The following RAD51B variants were observed in gnomAD, a reference collection of about 807,000 sequenced individuals.
RAD51B encodes the protein RAD51 paralog B, also known as DNA repair protein RAD51 homolog 2.
In RAD51B, 38 loss-of-function variants were observed where a neutral mutation model predicts 42.2. That is an observed-to-expected ratio of 0.90 (90% CI 0.70 to 1.18). The LOEUF is 1.18. Among genes scored for constraint, RAD51B ranks in the 50% most tolerant of loss-of-function variants. The pLI is 0.00. For missense variants in RAD51B, 373 were observed against 400.7 expected (o/e 0.93, Z 0.59); for synonymous variants, 154 against 145.2 (o/e 1.06, Z -0.43).
At position 68,401,855 on chromosome 14, in the gene RAD51B, T is replaced by A. The variant is rs142021656; in HGVS notation, c.854-9569T>A. 1.5e-3 allele frequency among the ~76,000 whole-genome samples: 232 copies of A among 152,320 alleles called. 1 individual carries two copies. The highest frequency in any genetic ancestry group is 5.4e-3 in the African/African-American group (224 of 41,560). On this transcript the variant is annotated intron_variant, in intron 8 of 10. Transcript: ENST00000471583. Reference sequence around the variant, plus strand: ...AGAAGATTATAAATAACAAAAGATATATTTTTTCGTATCTAAAATGGTAGC... The same window carrying A: ...AGAAGATTATAAATAACAAAAGATAAATTTTTTCGTATCTAAAATGGTAGC...
intron 8 of RAD51B, among the ~76,000 whole-genome samples, chr14:68,330,306 G>C (rs936316537): frequency 6.6e-6 from 1 of 152,098 alleles, no homozygotes; most frequent in Non-Finnish European, 1.5e-5. Flanking sequence ...GAAAATAAAT[G>C]GTGTTTAAGT....
At chr14:68,640,999 C>T (rs1408289906) in intron 10 of RAD51B, among the ~76,000 whole-genome samples, 6 of 152,212 alleles carry the variant, frequency 3.9e-5, no homozygotes, top group South Asian at 4.1e-4. Flanking sequence ...TGGTCTTTAC[C>T]CTGTGGGCAA....
At chr14:68,417,688 A>G (rs1594806695) in intron 9 of RAD51B, among the ~76,000 whole-genome samples, 1 of 152,234 alleles carries the variant, frequency 6.6e-6, no homozygotes, top group African/African-American at 2.4e-5. Context: ...GGACTGAGAA[A>G]GGGCAACACA....
At chr14:68,049,698 T>C (rs2076361936) in intron 7 of RAD51B, among the ~76,000 whole-genome samples, 1 of 152,224 alleles carries the variant, frequency 6.6e-6, no homozygotes, top group Non-Finnish European at 1.5e-5. Flanking sequence ...GGGTTTGTCC[T>C]TGTTTATCCA....
chr14:68,014,104 G>A (rs2075733945), intron 7 of RAD51B, among the ~76,000 whole-genome samples: 1 of 151,784 alleles, frequency 6.6e-6, no homozygotes, highest in South Asian at 2.1e-4. Context: ...GGTAAGGTTA[G>A]TAATTTGCGT....
At chr14:68,007,556 A>G (rs984300270) in intron 7 of RAD51B, among the ~76,000 whole-genome samples, 1 of 152,102 alleles carries the variant, frequency 6.6e-6, no homozygotes, top group Non-Finnish European at 1.5e-5. Flanking sequence ...CTGCTATTCT[A>G]ACGAGTATGA....
At chr14:68,560,437 T>C (rs974405636) in intron 10 of RAD51B, among the ~76,000 whole-genome samples, 3 of 152,120 alleles carry the variant, frequency 2.0e-5, no homozygotes, top group African/African-American at 7.2e-5. Flanking sequence ...CTAAATCTAC[T>C]TGAAAGTGAC....
rs191166130 is a variant in RAD51B, at chr14:68,323,026, A to G, written c.853+31046A>G. 2.0e-3 allele frequency among the ~76,000 whole-genome samples: 299 copies of G among 152,340 alleles called. 2 individuals carry two copies. The highest frequency in any genetic ancestry group is 3.7e-3 in the Non-Finnish European group (252 of 68,018). ...ATTTCAAAAGGCGAAGCAAGAACACACACAGAGGGAAAACATCTCTTGTTT... is the reference window on the plus strand; with the variant it reads ...ATTTCAAAAGGCGAAGCAAGAACACGCACAGAGGGAAAACATCTCTTGTTT... On this transcript the variant is annotated intron_variant, in intron 8 of 10. Coordinates refer to ENST00000471583, the MANE Select transcript of RAD51B (RefSeq NM_133510.4).
At chr14:68,026,542 G>C (rs1009539559) in intron 7 of RAD51B, among the ~76,000 whole-genome samples, 2 of 151,630 alleles carry the variant, frequency 1.3e-5, no homozygotes, top group African/African-American at 4.8e-5. Context: ...TGTTGGGTGG[G>C]TATATATTTA....
chr14:67,859,768 C>T (rs2042105777), intron 4 of RAD51B, among the ~76,000 whole-genome samples: 1 of 152,096 alleles, frequency 6.6e-6, no homozygotes, highest in Non-Finnish European at 1.5e-5. Flanking sequence ...TAGGGACACA[C>T]TTGTTCATAA....
At chr14:68,605,049 C>T (rs555942300) in intron 10 of RAD51B, among the ~76,000 whole-genome samples, 162 of 152,328 alleles carry the variant, frequency 1.1e-3, no homozygotes, top group African/African-American at 3.7e-3. Flanking sequence ...CAGCCTCCCT[C>T]GCTCCAGCCC....
intron 7 of RAD51B, among the ~76,000 whole-genome samples, chr14:67,916,617 T>C (rs2044160057): frequency 1.3e-5 from 2 of 152,180 alleles, no homozygotes; most frequent in African/African-American, 2.4e-5. Context: ...GGAGGCTTTA[T>C]TTATTTTAGC....
At chr14:68,162,539 A>G (rs1389141207) in intron 7 of RAD51B, among the ~76,000 whole-genome samples, 1 of 152,208 alleles carries the variant, frequency 6.6e-6, no homozygotes, top group Non-Finnish European at 1.5e-5. Flanking sequence ...TAATACTAGC[A>G]CTTTGGGAGG....
intron 7 of RAD51B, among the ~76,000 whole-genome samples, chr14:67,923,193 C>T (rs184927857): frequency 6.2e-4 from 94 of 152,052 alleles, no homozygotes; most frequent in African/African-American, 2.1e-3. Flanking sequence ...CTGTGAATGC[C>T]ATTGTTTCAT....
intron 10 of RAD51B, among the ~76,000 whole-genome samples, chr14:68,604,770 C>T (rs1234185800): frequency 1.3e-5 from 2 of 149,726 alleles, no homozygotes; most frequent in Admixed American, 6.6e-5. Flanking sequence ...GACAGGGCCA[C>T]GCTGCTCTGG....
intron 7 of RAD51B, among the ~76,000 whole-genome samples, chr14:68,099,501 G>C (rs2077253264): frequency 6.6e-6 from 1 of 152,172 alleles, no homozygotes; most frequent in Admixed American, 6.5e-5. Flanking sequence ...TCTGTCACCT[G>C]CTTGCTGCAG....
chr14:68,252,964 T>C (rs567418516), intron 7 of RAD51B, among the ~76,000 whole-genome samples: 126 of 152,004 alleles, frequency 8.3e-4, no homozygotes, highest in African/African-American at 2.9e-3. Context: ...GTGCCTGTAA[T>C]CTCAGCTGCT....
chr14:67,928,964 A>G (rs2044630835), intron 7 of RAD51B, among the ~76,000 whole-genome samples: 1 of 151,128 alleles, frequency 6.6e-6, no homozygotes, highest in South Asian at 2.1e-4. Flanking sequence ...CTCCTTTTTC[A>G]TTTCTGAGTT....
chr14:67,873,274 C>T (rs543508995), intron 5 of RAD51B, among the ~76,000 whole-genome samples: 403 of 152,212 alleles, frequency 2.6e-3, no homozygotes, highest in Admixed American at 4.8e-3. Context: ...AAAAAGTGGG[C>T]GAAGGACATG....
Sources: gnomAD v4.1 joint callset for allele counts (sites outside exome capture counted in the v4.1 genomes callset) on GRCh38, gnomAD v4.1.1 for gene constraint, MANE v1.5 for transcripts, NCBI Gene and HGNC (gene_info 2026-07-23, HGNC 2026-07-21) for gene names.